Variants in GPC5 observed in about 807,000 individuals in gnomAD.
GPC5 encodes glypican-5.
In GPC5, 47 loss-of-function variants were observed where a neutral mutation model predicts 53.9. The ratio of observed to expected loss-of-function variants is 0.87; its 90% CI spans 0.69 to 1.11. The LOEUF (loss-of-function observed/expected upper bound fraction) is 1.11. GPC5 is among the 50% of genes most tolerant of loss of function. GPC5 has a pLI of 0.00. For synonymous variants in GPC5, 286 were observed against 263.3 expected (o/e 1.09, Z -0.84); for missense variants, 748 against 713.1 (o/e 1.05, Z -0.56).
At chr13:91,856,644 T>G (rs1422814123) in intron 5 of GPC5, among the ~76,000 whole-genome samples, 3 of 151,448 alleles carry the variant, frequency 2.0e-5, no homozygotes, top group Non-Finnish European at 4.4e-5. Context: ...TAGGATAACT[T>G]TTTCTGATTG....
chr13:91,471,718 A>G (rs1424481731), intron 2 of GPC5, among the ~76,000 whole-genome samples: 1 of 152,030 alleles, frequency 6.6e-6, no homozygotes, highest in Non-Finnish European at 1.5e-5. Flanking sequence ...TGACTCGGAG[A>G]TCATTTCTTC....
chr13:91,770,692 G>T (rs342702), intron 5 of GPC5, among the ~76,000 whole-genome samples: 54,954 of 149,294 alleles, frequency 0.37, 11,253 homozygotes, highest in African/African-American at 0.56. Flanking sequence ...AAAGACTGGG[G>T]AGACTGTGTG....
Position 91,398,764 on chromosome 13 carries a change from C to A in GPC5, c.-283C>A. On this transcript the variant is annotated 5_prime_UTR_variant, in exon 1 of 8. Transcript: ENST00000377067. ...GATGCTTGCGGGCTCCCTGCGGCTCCACTAGTTTTCTTCGCCCCGCCCAGC... is the reference window on the plus strand; with the variant it reads ...GATGCTTGCGGGCTCCCTGCGGCTCAACTAGTTTTCTTCGCCCCGCCCAGC... 2.6e-6 allele frequency: 1 copy of A among 389,124 alleles called. No individual in the cohort carries two copies. Among genetic ancestry groups the A allele is most frequent in the Non-Finnish European group, 4.6e-6 (1 of 218,150 alleles). The allele number at this position is 389,124 out of a possible 1,614,324, so 24.1% of individuals were successfully genotyped here.
At chr13:91,705,617 A>C (rs777326929) in intron 3 of GPC5, among the ~76,000 whole-genome samples, 3 of 151,972 alleles carry the variant, frequency 2.0e-5, no homozygotes, top group Non-Finnish European at 4.4e-5. Context: ...TGTGTGTTTC[A>C]ATGTTACCTT....
intron 1 of GPC5, among the ~76,000 whole-genome samples, chr13:91,411,160 A>G (rs773188017): frequency 6.6e-6 from 1 of 152,198 alleles, no homozygotes; most frequent in Non-Finnish European, 1.5e-5. Flanking sequence ...AAATAATGCT[A>G]TTTGAATTAA....
At chr13:92,699,061 T>G (rs921495754) in intron 7 of GPC5, among the ~76,000 whole-genome samples, 1 of 151,718 alleles carries the variant, frequency 6.6e-6, no homozygotes, top group Non-Finnish European at 1.5e-5. Flanking sequence ...GTCCTAGACT[T>G]TTTTTTTGGT....
chr13:91,460,134 C>G (rs1881838439), intron 2 of GPC5, among the ~76,000 whole-genome samples: 1 of 151,996 alleles, frequency 6.6e-6, no homozygotes, highest in Admixed American at 6.6e-5. Flanking sequence ...ACCCAGTTAG[C>G]AAGTAAAGTT....
intron 7 of GPC5, among the ~76,000 whole-genome samples, chr13:92,783,549 T>C (rs532520327): frequency 1.1e-3 from 166 of 152,284 alleles, no homozygotes; most frequent in African/African-American, 3.9e-3. Context: ...AACCGTAGTG[T>C]TGAAGAGGTA....
intron 7 of GPC5, among the ~76,000 whole-genome samples, chr13:92,576,337 A>G (rs1883189588): frequency 6.6e-6 from 1 of 152,178 alleles, no homozygotes; most frequent in Admixed American, 6.6e-5. Flanking sequence ...CTAGGAATGG[A>G]TGGGCGGTCG....
chr13:91,459,430 T>C (rs992226702), intron 2 of GPC5, among the ~76,000 whole-genome samples: 30 of 152,142 alleles, frequency 2.0e-4, no homozygotes, highest in Non-Finnish European at 5.9e-5. Flanking sequence ...TCAGCTTCTA[T>C]ATCTCTTATG....
intron 7 of GPC5, among the ~76,000 whole-genome samples, chr13:92,598,338 T>A (rs1011885509): frequency 2.0e-5 from 3 of 152,192 alleles, no homozygotes; most frequent in African/African-American, 7.2e-5. Flanking sequence ...GTTGCTTTAA[T>A]TTTTAATTTT....
At chr13:92,292,215 T>C (rs959134047) in intron 7 of GPC5, among the ~76,000 whole-genome samples, 1 of 152,234 alleles carries the variant, frequency 6.6e-6, no homozygotes, top group Admixed American at 6.5e-5. Context: ...GTGGGATTGC[T>C]GGATCAAATG....
At position 91,952,854 on chromosome 13, in the gene GPC5, CT is replaced by C. The variant is rs1367076294; in HGVS notation, c.1401+44800del. Among the ~76,000 whole-genome samples, 8 of 152,168 alleles carry C rather than the reference CT, an allele frequency of 5.3e-5. No individual in the cohort carries two copies. In the East Asian group the frequency reaches 1.4e-3, roughly 26 times the overall value. On this transcript the variant is annotated intron_variant, in intron 6 of 7. Coordinates refer to ENST00000377067, the MANE Select transcript of GPC5 (RefSeq NM_004466.6). ...CATGCTGGATGTATTGGACTCTTTC[CT>C]TTGGGAAATGGAGAAATTTTGATGA... is the stretch of plus-strand genomic sequence containing the variant.
intron 2 of GPC5, among the ~76,000 whole-genome samples, chr13:91,524,639 C>T (rs946171499): frequency 1.3e-5 from 2 of 151,960 alleles, no homozygotes; most frequent in African/African-American, 4.8e-5. Flanking sequence ...CTGGGCCAGA[C>T]CAGAAATTAG....
intron 2 of GPC5, among the ~76,000 whole-genome samples, chr13:91,609,339 C>G (rs2033475380): frequency 6.6e-6 from 1 of 151,952 alleles, no homozygotes; most frequent in Non-Finnish European, 1.5e-5. Flanking sequence ...ACACAGGCAA[C>G]AAATGGGATA....
At chr13:91,683,353 C>T (rs1245899576) in intron 2 of GPC5, among the ~76,000 whole-genome samples, 1 of 152,120 alleles carries the variant, frequency 6.6e-6, no homozygotes, top group Admixed American at 6.5e-5. Flanking sequence ...CTTTGGGATG[C>T]CTGGCATCTA....
At chr13:92,056,865 T>C (rs1043980785) in intron 6 of GPC5, among the ~76,000 whole-genome samples, 1 of 152,178 alleles carries the variant, frequency 6.6e-6, no homozygotes, top group Non-Finnish European at 1.5e-5. Context: ...CCAACCCAGA[T>C]AAGGAGGAAA....
chr13:91,946,397 C>T (rs1184896103), intron 6 of GPC5, among the ~76,000 whole-genome samples: 2 of 152,114 alleles, frequency 1.3e-5, no homozygotes, highest in African/African-American at 4.8e-5. Flanking sequence ...TCTCCATCTA[C>T]CTCTTTTCAG....
intron 6 of GPC5, among the ~76,000 whole-genome samples, chr13:92,053,032 C>T (rs2041043707): frequency 6.6e-6 from 1 of 152,258 alleles, no homozygotes; most frequent in Non-Finnish European, 1.5e-5. Context: ...TTATGATGAT[C>T]TTGGACTGGA....
Sources: allele counts gnomAD v4.1 joint callset (sites outside exome capture counted in the v4.1 genomes callset), GRCh38; gene constraint gnomAD v4.1.1; transcripts MANE v1.5; gene names NCBI Gene and HGNC (gene_info 2026-07-23, HGNC 2026-07-21).